Variants in TEKT5 observed in about 807,000 individuals in gnomAD.
TEKT5 encodes the protein tektin-5.
In TEKT5, 52 loss-of-function variants were observed where a neutral mutation model predicts 48.7. The observed-to-expected ratio is 1.07, with a 90% CI of 0.86 to 1.35. The LOEUF is 1.35. Among genes scored for constraint, TEKT5 ranks in the 40% most tolerant of loss-of-function variants. The probability of loss-of-function intolerance (pLI) is 0.00; values close to 1 mark genes in which losing one functional copy is unlikely to be tolerated. For missense variants in TEKT5, 831 were observed against 641.6 expected (o/e 1.30, Z -3.19); for synonymous variants, 318 against 267.6 (o/e 1.19, Z -1.84).
At chr16:10,690,390 G>T (rs1344516) in intron 1 of TEKT5, among the ~76,000 whole-genome samples, 144,006 of 152,316 alleles carry the variant, frequency 0.95, 68,162 homozygotes, top group East Asian at 1. Flanking sequence ...CAGTGTTGGC[G>T]GCCATCTTCC....
Position 10,664,425 on chromosome 16 carries a change from T to C in TEKT5, c.1086+11534A>G, listed in dbSNP as rs577545967. ...CCTGGATGGAGCCTGAGAACGTGCA[T>C]TTCTAACAAATTCCCAGGTAATGCT... On this transcript the variant is annotated intron_variant, in intron 5 of 6. Transcript: ENST00000283025. Among the ~76,000 whole-genome samples the C allele has an allele frequency of 2.6e-4, 39 of 152,358 alleles. No individual in the cohort carries two copies. In the Middle Eastern group the frequency reaches 0.014, roughly 53 times the overall value.
intron 6 of TEKT5, among the ~76,000 whole-genome samples, chr16:10,629,209 G>C (rs547981745): frequency 6.6e-6 from 1 of 152,088 alleles, no homozygotes; most frequent in Non-Finnish European, 1.5e-5. Context: ...GAATGTACCA[G>C]ATGTCACTGA....
intron 5 of TEKT5, among the ~76,000 whole-genome samples, chr16:10,663,017 C>A (rs758456059): frequency 6.6e-6 from 1 of 152,144 alleles, no homozygotes; most frequent in Non-Finnish European, 1.5e-5. Flanking sequence ...GAGGAGAAGC[C>A]GGAAGCAAAT....
intron 5 of TEKT5, among the ~76,000 whole-genome samples, chr16:10,669,311 T>A (rs887320661): frequency 6.9e-6 from 1 of 145,168 alleles, no homozygotes; most frequent in Non-Finnish European, 1.5e-5. Flanking sequence ...AAAAAAAAAA[T>A]AGCTGGGCAA....
intron 6 of TEKT5, among the ~76,000 whole-genome samples, chr16:10,628,474 A>G (rs1897788222): frequency 6.6e-6 from 1 of 152,240 alleles, no homozygotes; most frequent in African/African-American, 2.4e-5. Flanking sequence ...CAAAATATGT[A>G]CATGAATGTT....
At chr16:10,629,743 T>C (rs567510701) in intron 6 of TEKT5, among the ~76,000 whole-genome samples, 78 of 140,244 alleles carry the variant, frequency 5.6e-4, no homozygotes, top group Non-Finnish European at 1.1e-3. Context: ...CCTGGGAGGA[T>C]AGTCCCTGCC....
chr16:10,631,499 C>T (rs911751048), intron 6 of TEKT5, among the ~76,000 whole-genome samples: 1 of 151,896 alleles, frequency 6.6e-6, no homozygotes, highest in Non-Finnish European at 1.5e-5. Flanking sequence ...CCACATGGAG[C>T]GGATCGGGTG....
chr16:10,686,052 T>A lies in TEKT5; in HGVS notation c.719+3201A>T, dbSNP rs534359596. On this transcript the variant is annotated intron_variant, in intron 3 of 6. Coordinates refer to ENST00000283025, the MANE Select transcript of TEKT5 (RefSeq NM_144674.2). ...TTTCACATCCCATCGCAGCTACAAA[T>A]GGAAAACCATTCTCTCTTGCCATAA... Among the ~76,000 whole-genome samples, 17 of 152,196 alleles carry A rather than the reference T, an allele frequency of 1.1e-4. No individual in the cohort carries two copies. In the South Asian group the frequency reaches 2.5e-3, roughly 22 times the overall value.
At chr16:10,681,642 G>C (rs929948936) in intron 4 of TEKT5, among the ~76,000 whole-genome samples, 18 of 150,640 alleles carry the variant, frequency 1.2e-4, no homozygotes, top group African/African-American at 4.1e-4. Flanking sequence ...GTGGCTGTGC[G>C]ACCCTCACTA....
At chr16:10,663,680 G>C (rs1016574489) in intron 5 of TEKT5, among the ~76,000 whole-genome samples, 2 of 152,190 alleles carry the variant, frequency 1.3e-5, no homozygotes, top group African/African-American at 4.8e-5. Context: ...ATATATCTCA[G>C]CTGTGGGGGC....
chr16:10,653,361 G>A (rs1898201971), intron 5 of TEKT5, among the ~76,000 whole-genome samples: 1 of 152,228 alleles, frequency 6.6e-6, no homozygotes, highest in Non-Finnish European at 1.5e-5. Context: ...GCCTGCCAGT[G>A]GAGATGAGGC....
rs1326987684 is a variant in TEKT5, at chr16:10,663,142, G to C, written c.1086+12817C>G. On this transcript the variant is annotated intron_variant, in intron 5 of 6. Transcript: ENST00000283025. ...ATGGGGTGTGAAAGGCAATTATCAGGTCTGCCTCAGATAAAACCAACCTCG... is the reference window on the plus strand; with the variant it reads ...ATGGGGTGTGAAAGGCAATTATCAGCTCTGCCTCAGATAAAACCAACCTCG... Among the ~76,000 whole-genome samples, 4 of 152,132 alleles carry C rather than the reference G, an allele frequency of 2.6e-5. No homozygotes were observed. The East Asian group carries it at 7.7e-4, about 29-fold the overall frequency.
At chr16:10,683,662 C>T (rs999628547) in intron 3 of TEKT5, among the ~76,000 whole-genome samples, 1 of 152,216 alleles carries the variant, frequency 6.6e-6, no homozygotes, top group Non-Finnish European at 1.5e-5. Context: ...ACGATCTCAG[C>T]TCACTGCAAC....
intron 5 of TEKT5, among the ~76,000 whole-genome samples, chr16:10,637,884 T>A (rs74497115): frequency 6.6e-6 from 1 of 152,162 alleles, no homozygotes; most frequent in Non-Finnish European, 1.5e-5. Flanking sequence ...AATCGCAGCT[T>A]ACCACAGCCT....
At chr16:10,679,945 C>A (rs549525412) in intron 4 of TEKT5, among the ~76,000 whole-genome samples, 1 of 129,778 alleles carries the variant, frequency 7.7e-6, no homozygotes, top group African/African-American at 2.6e-5. Context: ...ATACAAAGCC[C>A]CAAGCTAGCA....
chr16:10,675,662 G>A (rs142287958), intron 5 of TEKT5, among the ~76,000 whole-genome samples: 2 of 152,250 alleles, frequency 1.3e-5, no homozygotes, highest in Non-Finnish European at 2.9e-5. Flanking sequence ...ACTCGCGCTC[G>A]GCCACATGGG....
At chr16:10,638,072 A>G (rs1447830660) in intron 5 of TEKT5, among the ~76,000 whole-genome samples, 1 of 152,206 alleles carries the variant, frequency 6.6e-6, no homozygotes, top group Non-Finnish European at 1.5e-5. Context: ...TCAACCTCCC[A>G]AAGTGCTGGG....
intron 5 of TEKT5, among the ~76,000 whole-genome samples, chr16:10,642,104 A>T (rs1422506886): frequency 6.6e-6 from 1 of 152,214 alleles, no homozygotes. Context: ...CCCTGGCCAA[A>T]TCTCTTGCAG....
chr16:10,667,157 T>A lies in TEKT5; in HGVS notation c.1086+8802A>T, dbSNP rs114953956. On this transcript the variant is annotated intron_variant, in intron 5 of 6. Coordinates refer to ENST00000283025, the MANE Select transcript of TEKT5 (RefSeq NM_144674.2). ...TGCCACCATGCCCAGCTAATTTTTA[T>A]GTTTTTTGTAGAAACAAGATCTTAC... Among the ~76,000 whole-genome samples, 39 of 152,200 alleles carry A rather than the reference T, an allele frequency of 2.6e-4. No homozygotes were observed. The Middle Eastern group carries it at 0.014, about 53-fold the overall frequency.
Sources: gnomAD v4.1 joint callset for allele counts (sites outside exome capture counted in the v4.1 genomes callset) on GRCh38, gnomAD v4.1.1 for gene constraint, MANE v1.5 for transcripts, NCBI Gene and HGNC (gene_info 2026-07-23, HGNC 2026-07-21) for gene names.